GLG1: variants seen among roughly 807,000 people sequenced by gnomAD.
GLG1 encodes the protein golgi glycoprotein 1.
Under a neutral mutation model 160.5 loss-of-function variants are expected in GLG1, and 38 were observed. The ratio of observed to expected loss-of-function variants is 0.24; its 90% CI spans 0.18 to 0.31. GLG1 has a LOEUF of 0.31. Among genes scored for constraint, GLG1 ranks in the 10% least tolerant of loss-of-function variants. The pLI, the probability that GLG1 is intolerant of heterozygous loss-of-function variation, is 1.00. For synonymous variants in GLG1, 644 were observed against 543.4 expected, an observed-to-expected ratio of 1.19 and a Z score of -2.57; for missense variants, 1,373 against 1,505.2, an observed-to-expected ratio of 0.91 and a Z score of 1.45.
intron 2 of GLG1, among the ~76,000 whole-genome samples, chr16:74,531,029 G>A (rs2017515341): frequency 6.6e-6 from 1 of 151,892 alleles, no homozygotes; most frequent in African/African-American, 2.4e-5. Context: ...ACATTTTTTG[G>A]GGAGAAAACT....
At chr16:74,552,883 G>A (rs1384464917) in intron 1 of GLG1, 1 of 152,312 alleles carries the variant, frequency 6.6e-6, no homozygotes, top group Non-Finnish European at 1.5e-5. Context: ...TTATATTGAA[G>A]TTCAGTTGTG....
chr16:74,536,046 TAATA>T (rs1020044376), intron 1 of GLG1, among the ~76,000 whole-genome samples: 17 of 151,982 alleles, frequency 1.1e-4, no homozygotes, highest in Non-Finnish European at 1.5e-5. Context: ...TAAATAAAAA[TAATA>T]AATAAATAAA....
At chr16:74,520,017 T>G (rs2017110293) in intron 2 of GLG1, among the ~76,000 whole-genome samples, 1 of 152,252 alleles carries the variant, frequency 6.6e-6, no homozygotes, top group African/African-American at 2.4e-5. Flanking sequence ...ACTTTTAGTT[T>G]GCTCTATAGT....
At chr16:74,558,777 G>T (rs1388921681) in intron 1 of GLG1, among the ~76,000 whole-genome samples, 2 of 152,072 alleles carry the variant, frequency 1.3e-5, no homozygotes, top group African/African-American at 4.8e-5. Flanking sequence ...AAAAGAGAAG[G>T]GCAGATAAAT....
intron 1 of GLG1, among the ~76,000 whole-genome samples, chr16:74,585,266 G>C (rs908730159): frequency 6.6e-6 from 1 of 151,962 alleles, no homozygotes; most frequent in African/African-American, 2.4e-5. Context: ...AAAATTACCT[G>C]GGCGTGGTGG....
At chr16:74,592,922 G>C (rs1958217257) in intron 1 of GLG1, among the ~76,000 whole-genome samples, 1 of 152,126 alleles carries the variant, frequency 6.6e-6, no homozygotes, top group Non-Finnish European at 1.5e-5. Context: ...AGCTCACTAG[G>C]TCATGAGAGC....
intron 1 of GLG1, among the ~76,000 whole-genome samples, chr16:74,594,750 T>C (rs1011056654): frequency 8.8e-6 from 1 of 114,188 alleles, no homozygotes; most frequent in Non-Finnish European, 2.2e-5. Context: ...TTGTTTTGTT[T>C]TGTTTTTGAG....
chr16:74,472,073 T>G (rs559500049), intron 14 of GLG1, among the ~76,000 whole-genome samples: 12 of 152,168 alleles, frequency 7.9e-5, no homozygotes, highest in African/African-American at 2.7e-4. Flanking sequence ...CCCAGCTAAT[T>G]TTTTCTATTT....
chr16:74,476,167 G>A (rs1597242302), intron 12 of GLG1, among the ~76,000 whole-genome samples: 1 of 151,976 alleles, frequency 6.6e-6, no homozygotes, highest in Non-Finnish European at 1.5e-5. Flanking sequence ...GGGTGACAAA[G>A]TGAAACTGTC....
intron 1 of GLG1, among the ~76,000 whole-genome samples, chr16:74,542,716 G>GGAAGGAAGGGAGGGAGGAAGGAAGGAA (rs752290157): frequency 3.4e-5 from 1 of 29,784 alleles, no homozygotes; most frequent in Non-Finnish European, 6.3e-5. Context: ...AAGGGAAGAA[G>GGAAGGAAGGGAGGGAGGAAGGAAGGAA]GGAAGGAAGG....
chr16:74,504,064 T>C (rs2016509580), intron 3 of GLG1, among the ~76,000 whole-genome samples: 1 of 152,188 alleles, frequency 6.6e-6, no homozygotes, highest in South Asian at 2.1e-4. Flanking sequence ...GCTGTTAACA[T>C]CTACAGCTTT....
At chr16:74,591,889 C>T (rs943238722) in intron 1 of GLG1, among the ~76,000 whole-genome samples, 1 of 152,142 alleles carries the variant, frequency 6.6e-6, no homozygotes, top group Admixed American at 6.6e-5. Context: ...TCTTTTTCCC[C>T]TTATACGTGG....
intron 1 of GLG1, among the ~76,000 whole-genome samples, chr16:74,542,759 AAGG>A (rs2017928958): frequency 3.5e-5 from 2 of 57,092 alleles, no homozygotes; most frequent in African/African-American, 8.2e-5. Flanking sequence ...GGAAGGAAGG[AAGG>A]AAGGAAGGAA....
At chr16:74,554,308 C>A (rs9930432) in intron 1 of GLG1, among the ~76,000 whole-genome samples, 3 of 151,814 alleles carry the variant, frequency 2.0e-5, no homozygotes, top group Admixed American at 6.6e-5. Flanking sequence ...CCGAGGCGGA[C>A]GGATCACTTG....
At chr16:74,472,670 G>T in intron 13 of GLG1, 1 of 797,320 alleles carries the variant, frequency 1.3e-6, no homozygotes, top group Non-Finnish European at 1.9e-6. Context: ...AGAAAAGTGA[G>T]GTAAAAACAC....
intron 8 of GLG1, among the ~76,000 whole-genome samples, chr16:74,488,381 AAAC>A (rs1184975202): frequency 6.6e-6 from 1 of 152,160 alleles, no homozygotes; most frequent in African/African-American, 2.4e-5. Flanking sequence ...ATCACTTAAA[AAAC>A]AAAACAACAA....
chr16:74,506,684 G>C (rs1406568589), intron 3 of GLG1, among the ~76,000 whole-genome samples: 2 of 150,006 alleles, frequency 1.3e-5, no homozygotes, highest in Non-Finnish European at 3.0e-5. Flanking sequence ...AATCACTTGA[G>C]ATTTTACTGA....
In GLG1 at chr16:74,606,894, A is replaced by C; in HGVS notation, c.201T>G (p.Pro67=). ...GPAGQQLPQL[P]QSSQLQQQQQ... ...GTTGCTGCTGAAGCTGCGATGACTG[A>C]GGCAGCTGGGGCAGCTGCTGACCCG... Residue 67 remains proline, a synonymous_variant, in exon 1 of 26, where the codon CCT becomes CCG. Transcript: ENST00000422840. 1.2e-6 allele frequency: 2 copies of C among 1,603,162 alleles called. No individual in the cohort carries two copies. The highest frequency in any genetic ancestry group is 1.7e-6 in the Non-Finnish European group (2 of 1,176,174).
intron 1 of GLG1, among the ~76,000 whole-genome samples, chr16:74,579,233 A>G (rs964644397): frequency 2.6e-5 from 4 of 152,094 alleles, no homozygotes; most frequent in African/African-American, 9.7e-5. Flanking sequence ...ACATGGTGAG[A>G]CCCCATCTCT....
Sources: gnomAD v4.1 joint callset for allele counts (sites outside exome capture counted in the v4.1 genomes callset) on GRCh38, gnomAD v4.1.1 for gene constraint, MANE v1.5 for transcripts, NCBI Gene and HGNC (gene_info 2026-07-23, HGNC 2026-07-21) for gene names.